The following PNKD variants were observed in gnomAD, a reference collection of about 807,000 sequenced individuals.
PNKD encodes the protein PNKD metallo-beta-lactamase domain containing.
A neutral mutation model predicts 45.3 loss-of-function variants in PNKD; 36 were observed. That is an observed-to-expected ratio of 0.80 (90% confidence interval 0.61 to 1.05). PNKD has a LOEUF of 1.05. PNKD is among the 50% of genes least tolerant of loss of function. The pLI is 0.00. For synonymous variants in PNKD, 197 were observed against 210.1 expected, an observed-to-expected ratio of 0.94 and a Z score of 0.54; for missense variants, 511 against 506.6, an observed-to-expected ratio of 1.01 and a Z score of -0.08.
At chr2:218,300,864 G>T (rs1011042364) in intron 2 of PNKD, among the ~76,000 whole-genome samples, 1 of 152,048 alleles carries the variant, frequency 6.6e-6, no homozygotes, top group Non-Finnish European at 1.5e-5. Context: ...TTTTTAATGG[G>T]ATTTTTAAAT....
intron 2 of PNKD, 142 bp downstream of exon 2, chr2:218,271,691 G>A: frequency 1.4e-6 from 1 of 713,676 alleles, no homozygotes; most frequent in Non-Finnish European, 2.4e-6. Flanking sequence ...TGGAATCTCA[G>A]AGGGGTGGGG....
rs905536232 is a variant in PNKD at position 218,339,973 on chromosome 2, C to G, written c.353-56C>G. The stretch of plus-strand genomic sequence containing the variant: ...TCCCCGCCTGCTCCCCTTCACATAC[C>G]CCAGCCCCTGGGCTCCCTGCCTGTT... On this transcript the variant is annotated intron_variant, in intron 3 of 9. Coordinates refer to ENST00000273077, the MANE Select transcript of PNKD (RefSeq NM_015488.5). 4.9e-5 allele frequency: 72 copies of G among 1,470,290 alleles called. No individual in the cohort carries two copies. The African/African-American group carries it at 7.8e-4, about 16-fold the overall frequency. 91.1% of individuals were successfully genotyped at this position (1,470,290 alleles called of 1,614,324 possible). A position where few individuals can be genotyped will look rare whatever the true frequency, so the allele number is the denominator to read the frequency against.
chr2:218,346,776 T>G lies in PNKD; in HGVS notation c.*1795T>G, dbSNP rs1694836213. On this transcript the variant is annotated 3_prime_UTR_variant, in exon 10 of 10. Transcript: ENST00000273077. Reference sequence around the variant, plus strand: ...AGGCGCTCAATAAATGTTGAATGAATGAATGATTTAATCAAGACTTGATCA... The same window carrying G: ...AGGCGCTCAATAAATGTTGAATGAAGGAATGATTTAATCAAGACTTGATCA... 1 of 153,966 alleles carries G rather than the reference T, an allele frequency of 6.5e-6. No individual in the cohort carries two copies. The allele number at this position is 153,966 out of a possible 1,614,324, so 9.5% of individuals were successfully genotyped here.
rs1264401747 is a variant in PNKD, at chr2:218,344,795, C to T, written c.985-13C>T. 4 of 1,613,546 alleles carry T rather than the reference C, an allele frequency of 2.5e-6. No individual in the cohort carries two copies. The highest frequency in any genetic ancestry group is 3.4e-6 in the Non-Finnish European group (4 of 1,179,458). ...AGCTTCTCTCCACCAAACCTGGTTC[C>T]TCTCACCCACAGTGCCCATCTACCC... On this transcript the variant is annotated splice_polypyrimidine_tract_variant and intron_variant, in intron 9 of 9. Coordinates refer to ENST00000273077, the MANE Select transcript of PNKD (RefSeq NM_015488.5).
At chr2:218,331,816 A>T (rs913974626) in intron 2 of PNKD, among the ~76,000 whole-genome samples, 11 of 152,208 alleles carry the variant, frequency 7.2e-5, no homozygotes, top group African/African-American at 2.7e-4. Context: ...TCTCTGTGGT[A>T]TGTCTCAGCA....
chr2:218,281,432 C>T (rs1205379517), intron 2 of PNKD, among the ~76,000 whole-genome samples: 4 of 152,202 alleles, frequency 2.6e-5, no homozygotes, highest in Non-Finnish European at 2.9e-5. Flanking sequence ...CCACCGCGGC[C>T]GGCCTCACCT....
intron 2 of PNKD, among the ~76,000 whole-genome samples, chr2:218,296,632 C>G (rs1295255446): frequency 6.6e-6 from 1 of 152,174 alleles, no homozygotes; most frequent in Middle Eastern, 3.2e-3. Flanking sequence ...GCATTGATCA[C>G]TAACTTTCTG....
chr2:218,275,513 A>G (rs1329475544), intron 2 of PNKD: 1 of 1,614,028 alleles, frequency 6.2e-7, no homozygotes, highest in Non-Finnish European at 8.5e-7. Context: ...ACAAAGGTGA[A>G]GATGTAGATG....
chr2:218,332,753 C>A (rs1694366805), intron 2 of PNKD, among the ~76,000 whole-genome samples: 1 of 152,040 alleles, frequency 6.6e-6, no homozygotes, highest in African/African-American at 2.4e-5. Context: ...CCTCCTGCCC[C>A]TTTTCTCCAC....
At chr2:218,278,965 C>A in intron 2 of PNKD, 1 of 1,578,942 alleles carries the variant, frequency 6.3e-7, no homozygotes, top group Non-Finnish European at 8.7e-7. Flanking sequence ...CTGCCCTGAG[C>A]AAAGCTGGTC....
chr2:218,280,501 G>C, intron 2 of PNKD: 1 of 275,930 alleles, frequency 3.6e-6, no homozygotes, highest in South Asian at 3.6e-5. Context: ...AGGAGAAAAG[G>C]AGGGCGGCAG....
chr2:218,344,309 C>T lies in PNKD; in HGVS notation c.869-146C>T, dbSNP rs575596714. 109 of 690,250 alleles carry T rather than the reference C, an allele frequency of 1.6e-4. No individual in the cohort carries two copies. In the South Asian group the frequency reaches 1.6e-3, roughly 10 times the overall value. 42.8% of individuals were successfully genotyped at this position (690,250 alleles called of 1,614,324 possible). The stretch of plus-strand genomic sequence containing the variant: ...TGTGCCCACAGTTAGAGAAGCAGCT[C>T]CTGGCAGTTGGGGTTTTCCTGGAAG... On this transcript the variant is annotated intron_variant, in intron 8 of 9. Coordinates refer to ENST00000273077, the MANE Select transcript of PNKD (RefSeq NM_015488.5).
At chr2:218,325,225 G>A (rs1489819636) in intron 2 of PNKD, among the ~76,000 whole-genome samples, 1 of 25,628 alleles carries the variant, frequency 3.9e-5, no homozygotes, top group African/African-American at 1.0e-4. Context: ...TTTTTTTTGA[G>A]ACGGGCTCTT....
chr2:218,282,147 C>T, intron 2 of PNKD: 1 of 1,478,666 alleles, frequency 6.8e-7, no homozygotes, highest in Non-Finnish European at 9.0e-7. Context: ...GACATGGCTG[C>T]TCACGGGCTG....
At chr2:218,308,165 G>T (rs1693475440) in intron 2 of PNKD, among the ~76,000 whole-genome samples, 1 of 150,542 alleles carries the variant, frequency 6.6e-6, no homozygotes, top group Non-Finnish European at 1.5e-5. Context: ...ATCAACCAAA[G>T]ATTATGACTG....
In PNKD at chr2:218,278,695, A is replaced by T. The variant is rs889507917; in HGVS notation, c.236+7146A>T. 8.1e-6 allele frequency: 8 copies of T among 989,308 alleles called. No individual in the cohort carries two copies. The African/African-American group carries it at 1.3e-4, about 16-fold the overall frequency. The allele number at this position is 989,308 out of a possible 1,614,324, so 61.3% of individuals were successfully genotyped here. On this transcript the variant is annotated intron_variant, in intron 2 of 9. Transcript: ENST00000273077. ...AGGGGAAGCAACTCAACAGGAAGCA[A>T]GAACGAGATTACCCCCAGCCAGGGT...
chr2:218,341,119 T>C (rs1469544288), intron 5 of PNKD, among the ~76,000 whole-genome samples: 1 of 152,232 alleles, frequency 6.6e-6, no homozygotes, highest in Admixed American at 6.5e-5. Flanking sequence ...GAGGTAGCCC[T>C]GTATCAAAGT....
At chr2:218,336,955 A>G (rs1694514693) in intron 2 of PNKD, among the ~76,000 whole-genome samples, 1 of 151,464 alleles carries the variant, frequency 6.6e-6, no homozygotes, top group East Asian at 1.9e-4. Flanking sequence ...GCCCACCACC[A>G]CACCCTGTTA....
intron 2 of PNKD, chr2:218,334,646 C>T (rs924741312): frequency 2.9e-6 from 2 of 699,970 alleles, no homozygotes; most frequent in African/African-American, 3.5e-5. Context: ...CAGAGCAAGA[C>T]CCAAAAAAAG....
Sources: gnomAD v4.1 joint callset for allele counts (sites outside exome capture counted in the v4.1 genomes callset) on GRCh38, gnomAD v4.1.1 for gene constraint, MANE v1.5 for transcripts, NCBI Gene and HGNC (gene_info 2026-07-23, HGNC 2026-07-21) for gene names.